The following PTPRT variants were observed in gnomAD, a reference collection of about 807,000 sequenced individuals.
The protein encoded by PTPRT is protein tyrosine phosphatase receptor type T.
A neutral mutation model predicts 176.8 loss-of-function variants in PTPRT; 56 were observed. The observed-to-expected ratio is 0.32, with a 90% confidence interval of 0.26 to 0.40. The LOEUF (loss-of-function observed/expected upper bound fraction) is 0.40, where lower values mean the gene tolerates loss of function less well. PTPRT is among the 10% of genes least tolerant of loss of function. The pLI is 1.00. For synonymous variants in PTPRT, 783 were observed against 739.0 expected (o/e 1.06, Z -0.96); for missense variants, 1,540 against 1,908.2 (o/e 0.81, Z 3.60).
At position 42,431,845 on chromosome 20, in the gene PTPRT, C is replaced by T. The variant is rs906409465; in HGVS notation, c.1560+16375G>A. On this transcript the variant is annotated intron_variant, in intron 9 of 30. Transcript: ENST00000373187. ...TGACTTGCTCTAACATAGACTCTCT[C>T]ACCTCTGGCATCATTTTCAGGAAGG... Among the ~76,000 whole-genome samples the T allele has an allele frequency of 1.3e-4, 20 of 152,340 alleles. 2 individuals are homozygous for T. Among genetic ancestry groups the T allele is most frequent in the Admixed American group, 9.8e-4 (15 of 15,306 alleles).
At chr20:42,140,983 C>A (rs1184713940) in intron 18 of PTPRT, among the ~76,000 whole-genome samples, 1 of 152,154 alleles carries the variant, frequency 6.6e-6, no homozygotes, top group Non-Finnish European at 1.5e-5. Flanking sequence ...TCCCAGGGCC[C>A]TACAGTTGGG....
intron 1 of PTPRT, among the ~76,000 whole-genome samples, chr20:43,079,158 TTCTC>T (rs371997329): frequency 6.2e-5 from 9 of 145,312 alleles, no homozygotes; most frequent in Admixed American, 1.4e-4. Context: ...CTCTCTCCCT[TTCTC>T]TCTCTCTCTC....
chr20:42,970,261 G>T (rs1330475387), intron 1 of PTPRT, among the ~76,000 whole-genome samples: 1 of 152,162 alleles, frequency 6.6e-6, no homozygotes, highest in African/African-American at 2.4e-5. Context: ...TCAGGATATA[G>T]ACCTGTGTTT....
intron 7 of PTPRT, among the ~76,000 whole-genome samples, chr20:42,588,404 G>A (rs2073509272): frequency 6.6e-6 from 1 of 152,000 alleles, no homozygotes; most frequent in Non-Finnish European, 1.5e-5. Context: ...AGACTGTTTT[G>A]TGCCACTATA....
chr20:42,280,998 C>T (rs967426042), intron 13 of PTPRT, among the ~76,000 whole-genome samples: 10 of 152,082 alleles, frequency 6.6e-5, no homozygotes, highest in South Asian at 2.1e-4. Context: ...GTCTAGAAAT[C>T]GAAAGCCACC....
intron 16 of PTPRT, among the ~76,000 whole-genome samples, chr20:42,180,488 T>C (rs1990472269): frequency 6.6e-6 from 1 of 152,244 alleles, no homozygotes; most frequent in Non-Finnish European, 1.5e-5. Context: ...TATCATATAA[T>C]GTACTTATCT....
chr20:42,919,108 C>T (rs1453356381), intron 1 of PTPRT, among the ~76,000 whole-genome samples: 1 of 152,188 alleles, frequency 6.6e-6, no homozygotes, highest in Non-Finnish European at 1.5e-5. Context: ...CAAAACACTC[C>T]TGGGGAAGAG....
intron 1 of PTPRT, among the ~76,000 whole-genome samples, chr20:43,011,224 C>T (rs1012479785): frequency 6.6e-6 from 1 of 152,112 alleles, no homozygotes; most frequent in Admixed American, 6.5e-5. Context: ...TAAGAGGAGC[C>T]AGAGTCAAGT....
chr20:42,110,433 C>G lies in PTPRT; in HGVS notation c.3154G>C (p.Asp1052His), dbSNP rs1306943305. ...LRLFHFTSWPDHGVPCYATGL... is the reference protein window; with the variant it reads ...LRLFHFTSWPHHGVPCYATGL... ...GTGGCATAGCAGGGAACGCCGTGGT[C>G]AGGCCAGCTGGTGAAGTGGAAGAGG... The change falls in exon 23 of 31, where the codon GAC becomes CAC. Residue 1052 changes from aspartate (D) to histidine (H), a missense_variant. By Grantham distance (81) the Asp-to-His change is moderately conservative (BLOSUM62 -1). Around this residue, in one of 11 missense-constraint regions of PTPRT, gnomAD observed 248 missense variants for 356.7 expected, o/e 0.70. Transcript: ENST00000373187. 6 of 1,612,772 alleles carry G rather than the reference C, an allele frequency of 3.7e-6. No individual in the cohort carries two copies.
chr20:43,021,082 T>C (rs556864377), intron 1 of PTPRT, among the ~76,000 whole-genome samples: 4 of 152,250 alleles, frequency 2.6e-5, no homozygotes, highest in African/African-American at 9.6e-5. Context: ...ATATCCAAGA[T>C]GGATATATTA....
chr20:42,091,138 T>C (rs1338024289), intron 27 of PTPRT, among the ~76,000 whole-genome samples: 3 of 152,378 alleles, frequency 2.0e-5, no homozygotes, highest in Admixed American at 6.5e-5. Flanking sequence ...TTTTGTTGTC[T>C]TTTGTCAGAA....
chr20:42,704,207 T>C (rs983772725), intron 6 of PTPRT, among the ~76,000 whole-genome samples: 6 of 152,244 alleles, frequency 3.9e-5, no homozygotes, highest in Middle Eastern at 3.4e-3. Flanking sequence ...TATTCAATCA[T>C]AGAATTGTCC....
intron 6 of PTPRT, among the ~76,000 whole-genome samples, chr20:42,718,429 C>T (rs1274820055): frequency 1.3e-5 from 2 of 152,030 alleles, no homozygotes; most frequent in Non-Finnish European, 2.9e-5. Context: ...TCCAGCTACT[C>T]GGGAGGCTGA....
At chr20:42,567,852 C>T (rs2073072443) in intron 7 of PTPRT, among the ~76,000 whole-genome samples, 1 of 152,094 alleles carries the variant, frequency 6.6e-6, no homozygotes, top group East Asian at 1.9e-4. Flanking sequence ...CACTTGGTCT[C>T]ATGATTCTGA....
At chr20:42,754,054 G>T (rs2145395180) in intron 6 of PTPRT, among the ~76,000 whole-genome samples, 1 of 152,304 alleles carries the variant, frequency 6.6e-6, no homozygotes, top group Middle Eastern at 3.4e-3. Flanking sequence ...TCAATCTGGT[G>T]TGGGAGACCA....
chr20:42,430,530 C>T (rs1029395229), intron 9 of PTPRT, among the ~76,000 whole-genome samples: 3 of 152,132 alleles, frequency 2.0e-5, no homozygotes, highest in African/African-American at 7.2e-5. Flanking sequence ...TCTTCTTCTG[C>T]AGGTAGGCTA....
rs542796196 is a variant in PTPRT at position 42,937,558 on chromosome 20, C to T, written c.89-51626G>A. Among the ~76,000 whole-genome samples, 120 of 152,250 alleles carry T rather than the reference C, an allele frequency of 7.9e-4. 1 individual carries two copies. In the Middle Eastern group the frequency reaches 0.01, roughly 13 times the overall value. On this transcript the variant is annotated intron_variant, in intron 1 of 30. Transcript: ENST00000373187. ...CTTTTATTATCAGCCAAAATAAAAT[C>T]CTATAGTTTCTATTCATTGGCTCCA...
chr20:42,899,229 C>T (rs1003622985), intron 1 of PTPRT, among the ~76,000 whole-genome samples: 14 of 152,168 alleles, frequency 9.2e-5, no homozygotes, highest in Admixed American at 4.6e-4. Context: ...GAGGGAGCAG[C>T]GAAAGAAACA....
chr20:42,696,023 G>C (rs4812629), intron 6 of PTPRT, among the ~76,000 whole-genome samples: 55,647 of 151,886 alleles, frequency 0.37, 11,190 homozygotes, highest in African/African-American at 0.54. Flanking sequence ...GCTTCTAGCA[G>C]AGTACAGCAA....
Sources: gnomAD v4.1 joint callset for allele counts (sites outside exome capture counted in the v4.1 genomes callset) on GRCh38, gnomAD v4.1.1 for gene constraint, gnomAD v4.1.1 regional missense constraint, MANE v1.5 for transcripts, NCBI Gene and HGNC (gene_info 2026-07-23, HGNC 2026-07-21) for gene names.